NOL4L: variants seen among roughly 807,000 people sequenced by gnomAD.
The protein encoded by NOL4L is nucleolar protein 4-like.
Under a neutral mutation model 64.5 loss-of-function variants are expected in NOL4L, and 7 were observed. The ratio of observed to expected loss-of-function variants is 0.11; its 90% CI spans 0.06 to 0.20. The LOEUF is 0.20. Among genes scored for constraint, NOL4L ranks in the 10% least tolerant of loss-of-function variants. NOL4L has a pLI of 1.00. For synonymous variants in NOL4L, 413 were observed against 401.0 expected (o/e 1.03, Z -0.36); for missense variants, 680 against 967.1 (o/e 0.70, Z 3.94).
intron 4 of NOL4L, among the ~76,000 whole-genome samples, chr20:32,487,928 G>A (rs955664897): frequency 2.5e-4 from 26 of 103,686 alleles, no homozygotes; most frequent in Admixed American, 5.0e-4. Flanking sequence ...TTTGTTTGTT[G>A]GTTTTATTTT....
chr20:32,467,279 G>C (rs1283960935), intron 5 of NOL4L, among the ~76,000 whole-genome samples: 2 of 151,980 alleles, frequency 1.3e-5, no homozygotes, highest in Non-Finnish European at 2.9e-5. Flanking sequence ...GATGGGTCTG[G>C]CATTTGCCAG....
At position 32,511,434 on chromosome 20, in the gene NOL4L, C is replaced by A. The variant is rs767404361; in HGVS notation, c.612G>T (p.Leu204=). 24 of 1,550,124 alleles carry A rather than the reference C, an allele frequency of 1.5e-5. No homozygotes were observed. The South Asian group carries it at 2.9e-4, about 18-fold the overall frequency. ...TGTTGTAATCAATAATCCCAGAGACCAGTGGAGATGGAGGCTCGTTTTCTG... is the reference window on the plus strand; with the variant it reads ...TGTTGTAATCAATAATCCCAGAGACAAGTGGAGATGGAGGCTCGTTTTCTG... The part of the protein sequence containing the change: ...EPKENEPPSP[L]VSGIIDYNMP... The change falls in exon 4 of 11, where the codon CTG becomes CTT. Residue 204 remains leucine (L), a synonymous_variant. Coordinates refer to ENST00000621426, the MANE Select transcript of NOL4L (RefSeq NM_001256798.2).
chr20:32,551,024 C>T (rs1004620409), intron 1 of NOL4L, among the ~76,000 whole-genome samples: 1 of 151,970 alleles, frequency 6.6e-6, no homozygotes, highest in African/African-American at 2.4e-5. Flanking sequence ...CCACTGCACT[C>T]TAGCCTGGGA....
At chr20:32,462,372 T>C (rs753312372) in intron 5 of NOL4L, among the ~76,000 whole-genome samples, 32 of 152,188 alleles carry the variant, frequency 2.1e-4, no homozygotes, top group Non-Finnish European at 2.9e-4. Context: ...TCGCTCTGCA[T>C]GGGGACCTCA....
chr20:32,526,713 G>C (rs540381945), intron 2 of NOL4L, among the ~76,000 whole-genome samples: 3 of 152,166 alleles, frequency 2.0e-5, no homozygotes, highest in African/African-American at 7.2e-5. Context: ...CTCAGCTGCC[G>C]TCTGACCTTG....
At chr20:32,575,250 T>C (rs1535376) in intron 1 of NOL4L, among the ~76,000 whole-genome samples, 108,263 of 151,800 alleles carry the variant, frequency 0.71, 40,558 homozygotes, top group East Asian at 0.99. Flanking sequence ...AGCTCACCCC[T>C]TCAGGACCCC....
At chr20:32,494,616 C>A (rs923878623) in intron 4 of NOL4L, among the ~76,000 whole-genome samples, 2 of 152,198 alleles carry the variant, frequency 1.3e-5, no homozygotes, top group African/African-American at 4.8e-5. Flanking sequence ...AATCAACATT[C>A]TCCCTTATCT....
chr20:32,584,607 A>T lies in NOL4L; in HGVS notation c.284T>A (p.Met95Lys), dbSNP rs1568727553. 2 of 1,492,698 alleles carry T rather than the reference A, an allele frequency of 1.3e-6. No individual in the cohort carries two copies. The highest frequency in any genetic ancestry group is 2.5e-5 in the South Asian group (2 of 81,428). 92.5% of individuals were successfully genotyped at this position (1,492,698 alleles called of 1,614,324 possible). ...FRLGSGREPK[M>K]GQVVYVPVKT... ...GACCGGCACATACACCACTTGGCCC[A>T]TCTTGGGTTCCCGGCCGCTGCCCAG... Residue 95 changes from methionine (M) to lysine (K), a missense_variant, in exon 1 of 11, where the codon ATG (methionine) becomes AAG (lysine). By Grantham distance (95) the Met-to-Lys change is moderately conservative (BLOSUM62 -1). Coordinates refer to ENST00000621426, the MANE Select transcript of NOL4L (RefSeq NM_001256798.2).
chr20:32,559,056 G>A (rs1423775663), intron 1 of NOL4L, among the ~76,000 whole-genome samples: 1 of 152,220 alleles, frequency 6.6e-6, no homozygotes, highest in Admixed American at 6.5e-5. Flanking sequence ...TGTTGTAGAA[G>A]AGAGCTGTAG....
chr20:32,498,784 AAAAG>A, intron 4 of NOL4L, among the ~76,000 whole-genome samples: 1 of 151,644 alleles, frequency 6.6e-6, no homozygotes, highest in Non-Finnish European at 1.5e-5. Flanking sequence ...AAAAAAAAAA[AAAAG>A]AAATGCACTA....
chr20:32,482,106 C>G (rs2015764789), intron 4 of NOL4L, among the ~76,000 whole-genome samples: 1 of 152,132 alleles, frequency 6.6e-6, no homozygotes. Context: ...CAGGTGAAAT[C>G]AGGAGGTTAT....
At chr20:32,552,592 C>CTG (rs1309593424) in intron 1 of NOL4L, among the ~76,000 whole-genome samples, 1 of 152,122 alleles carries the variant, frequency 6.6e-6, no homozygotes, top group Admixed American at 6.5e-5. Context: ...GAGGCTGAGG[C>CTG]AGGAGAATCA....
intron 2 of NOL4L, among the ~76,000 whole-genome samples, chr20:32,521,571 C>T (rs2017935384): frequency 6.6e-6 from 1 of 152,196 alleles, no homozygotes; most frequent in Admixed American, 6.5e-5. Context: ...CCAGGTCACA[C>T]CACTCCACAG....
chr20:32,543,982 G>A (rs1451684080), intron 1 of NOL4L, among the ~76,000 whole-genome samples: 1 of 152,150 alleles, frequency 6.6e-6, no homozygotes, highest in African/African-American at 2.4e-5. Context: ...CAGGCAGGCA[G>A]GCGGCCGGCA....
chr20:32,541,783 G>A (rs575857991), intron 1 of NOL4L, among the ~76,000 whole-genome samples: 2 of 152,366 alleles, frequency 1.3e-5, no homozygotes, highest in East Asian at 3.9e-4. Flanking sequence ...CCAGGACGTC[G>A]CTTTAGGACT....
intron 1 of NOL4L, among the ~76,000 whole-genome samples, chr20:32,535,277 A>G (rs956073656): frequency 2.3e-4 from 34 of 149,472 alleles, no homozygotes; most frequent in Admixed American, 1.7e-3. Context: ...GGAAATTGAA[A>G]AAAAAAAAAA....
At position 32,452,907 on chromosome 20, in the gene NOL4L, G is replaced by C; in HGVS notation, c.1597C>G (p.Leu533Val). 1.2e-6 allele frequency: 2 copies of C among 1,614,058 alleles called. No homozygotes were observed. ...ETRKAAKRMRLEIYQSSQDEP... is the reference protein window; with the variant it reads ...ETRKAAKRMRVEIYQSSQDEP... ...ACCTGTGAGGACTGGTAGATCTCTA[G>C]ACGCATCCGCTTGGCTGCCTTTCTT... Residue 533 changes from leucine (L) to valine (V), a missense_variant, in exon 9 of 11, where the codon CTA (leucine) becomes GTA (valine). Physicochemically the swap from Leu to Val is conservative, Grantham distance 32. Transcript: ENST00000621426.
chr20:32,535,447 T>G, intron 1 of NOL4L: 1 of 270,912 alleles, frequency 3.7e-6, no homozygotes, highest in Non-Finnish European at 5.7e-6. Context: ...CTGCCTCTTC[T>G]CCACCCTTGT....
chr20:32,492,310 T>C (rs1352517035), intron 4 of NOL4L, among the ~76,000 whole-genome samples: 1 of 152,230 alleles, frequency 6.6e-6, no homozygotes, highest in Non-Finnish European at 1.5e-5. Context: ...CACTTATGCT[T>C]GTGAGCAAAC....
Sources: allele counts gnomAD v4.1 joint callset (sites outside exome capture counted in the v4.1 genomes callset), GRCh38; gene constraint gnomAD v4.1.1; transcripts MANE v1.5; gene names NCBI Gene and HGNC (gene_info 2026-07-23, HGNC 2026-07-21).